The following TPD52L2 variants were observed in gnomAD, a reference collection of about 807,000 sequenced individuals.
TPD52L2 encodes TPD52 like 2, also known as tumor protein D54.
TPD52L2 carries 19 observed loss-of-function variants against 24.7 expected under a neutral mutation model. That is an observed-to-expected ratio of 0.77 (90% CI 0.54 to 1.13). The LOEUF (loss-of-function observed/expected upper bound fraction) is 1.13. Ranked by LOEUF, TPD52L2 falls within the 50% of genes most tolerant of loss-of-function variation. The pLI is 0.00. For missense variants in TPD52L2, 236 were observed against 250.4 expected (o/e 0.94, Z 0.39); for synonymous variants, 104 against 100.2 (o/e 1.04, Z -0.23).
chr20:63,875,541 G>C (rs1442998805), intron 3 of TPD52L2, among the ~76,000 whole-genome samples: 2 of 152,246 alleles, frequency 1.3e-5, no homozygotes, highest in Non-Finnish European at 2.9e-5. Flanking sequence ...CCCCACAGCA[G>C]TGCTGTTGCC....
At chr20:63,885,533 C>T (rs2053059689) in intron 5 of TPD52L2, among the ~76,000 whole-genome samples, 1 of 152,246 alleles carries the variant, frequency 6.6e-6, no homozygotes, top group East Asian at 1.9e-4. Flanking sequence ...GTCCCACATC[C>T]TCCCACGGTG....
intron 1 of TPD52L2, among the ~76,000 whole-genome samples, chr20:63,868,866 G>A (rs370525617): frequency 2.0e-5 from 3 of 152,160 alleles, no homozygotes; most frequent in Admixed American, 6.5e-5. Flanking sequence ...ACTTGAACCC[G>A]GGAGACGGAG....
At chr20:63,865,481 G>A (rs1295478891) in intron 1 of TPD52L2, 97 bp downstream of exon 1, 2 of 1,448,870 alleles carry the variant, frequency 1.4e-6, no homozygotes, top group Non-Finnish European at 1.8e-6. Context: ...TGTCCTCTCG[G>A]TCTCGGTTCA....
intron 2 of TPD52L2, among the ~76,000 whole-genome samples, chr20:63,869,694 T>C (rs1365379893): frequency 6.6e-6 from 1 of 152,222 alleles, no homozygotes; most frequent in Non-Finnish European, 1.5e-5. Flanking sequence ...TCCTAAGTGC[T>C]CCCTGAGGAG....
intron 5 of TPD52L2, 99 bp downstream of exon 5, chr20:63,882,919 G>C (rs2052956075): frequency 1.1e-6 from 1 of 870,170 alleles, no homozygotes; most frequent in Admixed American, 2.5e-5. Context: ...TCAGGGCTCA[G>C]ATGCACTGGC....
chr20:63,887,273 C>T, intron 5 of TPD52L2: 1 of 547,530 alleles, frequency 1.8e-6, no homozygotes, highest in South Asian at 2.0e-5. Flanking sequence ...GCTGTTTGTA[C>T]CAAATACTTT....
At chr20:63,869,183 T>A in intron 1 of TPD52L2, 113 bp from the exon 2 acceptor site, 1 of 1,211,622 alleles carries the variant, frequency 8.3e-7, no homozygotes, top group Non-Finnish European at 1.2e-6. Context: ...GAGGTGTTAG[T>A]CTCCAGGGTC....
At chr20:63,887,657 G>T (rs767438764) in intron 5 of TPD52L2, 1 of 1,584,020 alleles carries the variant, frequency 6.3e-7, no homozygotes, top group Non-Finnish European at 8.6e-7. Flanking sequence ...TCTGGTGGGG[G>T]TTGGGGCAGC....
At chr20:63,873,471 G>C (rs537773058) in intron 2 of TPD52L2, among the ~76,000 whole-genome samples, 197 bp from the exon 3 acceptor site, 2 of 148,842 alleles carry the variant, frequency 1.3e-5, no homozygotes, top group East Asian at 2.0e-4. Context: ...CCTGGGCGAC[G>C]AGCGAAACTC....
At chr20:63,866,593 C>G (rs899395933) in intron 1 of TPD52L2, among the ~76,000 whole-genome samples, 1 of 151,942 alleles carries the variant, frequency 6.6e-6, no homozygotes, top group African/African-American at 2.4e-5. Context: ...TCCCAACTAG[C>G]TGGGACTACA....
Position 63,881,666 on chromosome 20 carries a change from G to T in TPD52L2, c.375-1053G>T, listed in dbSNP as rs538790392. Reference sequence around the variant, plus strand: ...CCAGATGCCACTCAGGGCTTGGCTGGGTTTGCCAGCTCTCCAGGTTGGCAC... The same window carrying T: ...CCAGATGCCACTCAGGGCTTGGCTGTGTTTGCCAGCTCTCCAGGTTGGCAC... On this transcript the variant is annotated intron_variant, in intron 4 of 6. Transcript: ENST00000346249. Among the ~76,000 whole-genome samples the T allele has an allele frequency of 1.2e-3, 181 of 152,336 alleles. 2 individuals carry two copies. The highest frequency in any genetic ancestry group is 4.0e-3 in the African/African-American group (165 of 41,582).
chr20:63,876,237 C>T (rs750003141), intron 4 of TPD52L2, among the ~76,000 whole-genome samples: 9 of 152,148 alleles, frequency 5.9e-5, no homozygotes, highest in Non-Finnish European at 1.0e-4. Flanking sequence ...TTGTTGGTGG[C>T]GAATTTTTGT....
At chr20:63,879,517 T>G (rs1317909875) in intron 4 of TPD52L2, among the ~76,000 whole-genome samples, 1 of 152,144 alleles carries the variant, frequency 6.6e-6, no homozygotes. Flanking sequence ...CACATCTCAT[T>G]CTGAAGGCCG....
rs1008895669 is a variant in TPD52L2, at chr20:63,890,098, G to T, written c.*153G>T. The T allele has an allele frequency of 6.8e-7, 1 of 1,479,582 alleles. No homozygotes were observed. Among genetic ancestry groups the T allele is most frequent in the African/African-American group, 1.4e-5 (1 of 71,588 alleles). The allele number at this position is 1,479,582 out of a possible 1,614,324, so 91.7% of individuals were successfully genotyped here. Reference sequence around the variant, plus strand: ...ATCCACGCGGAGATGTGGCTGCCGCGTTTGCATGAATTTGAAGAACACAGG... The same window carrying T: ...ATCCACGCGGAGATGTGGCTGCCGCTTTTGCATGAATTTGAAGAACACAGG... On this transcript the variant is annotated 3_prime_UTR_variant, in exon 7 of 7. Coordinates refer to ENST00000346249, the MANE Select transcript of TPD52L2 (RefSeq NM_003288.4).
At chr20:63,882,922 G>A (rs2052956249) in intron 5 of TPD52L2, 102 bp downstream of exon 5, 2 of 855,650 alleles carry the variant, frequency 2.3e-6, no homozygotes, top group African/African-American at 1.7e-5. Context: ...GGGCTCAGAT[G>A]CACTGGCTCA....
At chr20:63,867,975 C>T (rs897725284) in intron 1 of TPD52L2, among the ~76,000 whole-genome samples, 11 of 150,668 alleles carry the variant, frequency 7.3e-5, no homozygotes, top group African/African-American at 2.0e-4. Flanking sequence ...TTTTTTTGGC[C>T]GCGCGTGGTG....
intron 5 of TPD52L2, chr20:63,887,523 A>ACTCTTGCTTC: frequency 1.3e-6 from 2 of 1,598,004 alleles, no homozygotes; most frequent in Non-Finnish European, 1.7e-6. Context: ...CTTGGTGTTA[A>ACTCTTGCTTC]CTCTTGCTTC....
intron 5 of TPD52L2, 189 bp from the exon 6 acceptor site, chr20:63,889,001 A>G (rs2053232619): frequency 6.4e-6 from 4 of 624,604 alleles, no homozygotes; most frequent in South Asian, 1.8e-5. Context: ...GTTGTTGGGC[A>G]TGGCCGACCT....
intron 4 of TPD52L2, 144 bp downstream of exon 4, chr20:63,876,019 C>G (rs2052661723): frequency 1.2e-6 from 1 of 802,112 alleles, no homozygotes; most frequent in African/African-American, 1.8e-5. Flanking sequence ...TTTCTTCTCT[C>G]AGGTAAACTA....
Sources: gnomAD v4.1 joint callset for allele counts (sites outside exome capture counted in the v4.1 genomes callset) on GRCh38, gnomAD v4.1.1 for gene constraint, MANE v1.5 for transcripts, NCBI Gene and HGNC (gene_info 2026-07-23, HGNC 2026-07-21) for gene names.